Variants in TNRC6C observed in about 807,000 individuals in gnomAD.
TNRC6C encodes the protein trinucleotide repeat containing adaptor 6C, also known as trinucleotide repeat-containing gene 6C protein.
TNRC6C carries 20 observed loss-of-function variants against 153.7 expected under a neutral mutation model. That is an observed-to-expected ratio of 0.13 (90% CI 0.09 to 0.19). TNRC6C has a LOEUF of 0.19. Among genes scored for constraint, TNRC6C ranks in the 10% least tolerant of loss-of-function variants. The probability of loss-of-function intolerance (pLI) is 1.00; values close to 1 mark genes in which losing one functional copy is unlikely to be tolerated. For missense variants in TNRC6C, 1,987 were observed against 2,172.0 expected, an observed-to-expected ratio of 0.91 and a Z score of 1.69; for synonymous variants, 811 against 841.4, an observed-to-expected ratio of 0.96 and a Z score of 0.63.
chr17:78,066,666 G>A (rs1005045848), intron 4 of TNRC6C: 6 of 152,228 alleles, frequency 3.9e-5, no homozygotes, highest in African/African-American at 9.6e-5. Context: ...TTTTGATACC[G>A]AAAATCACTT....
chr17:78,060,387 A>G (rs1381796467), intron 3 of TNRC6C, among the ~76,000 whole-genome samples: 3 of 151,830 alleles, frequency 2.0e-5, no homozygotes, highest in African/African-American at 7.3e-5. Context: ...TCTCATTAAT[A>G]TTTAGGTCAG....
intron 13 of TNRC6C, 122 bp downstream of exon 15, chr17:78,087,215 G>T: frequency 1.4e-6 from 2 of 1,449,906 alleles, no homozygotes; most frequent in African/African-American, 1.4e-5. Context: ...ACCATAGCCT[G>T]TTGGAAATGC....
At position 78,022,138 on chromosome 17, in the gene TNRC6C, A is replaced by G. The variant is rs74757807; in HGVS notation, c.-545-9378A>G. Among the ~76,000 whole-genome samples the G allele has an allele frequency of 1.6e-4, 25 of 152,280 alleles. No individual in the cohort carries two copies. The East Asian group carries it at 2.1e-3, about 13-fold the overall frequency. On this transcript the variant is annotated intron_variant, in intron 1 of 19. Coordinates refer to ENST00000301624, the Ensembl canonical transcript of TNRC6C. ...GGTCTCTGTCATATATTTGTCTTTG[A>G]GTTTTTCCCCCATCCTTTAAAAATG... is the stretch of plus-strand genomic sequence containing the variant.
intron 1 of TNRC6C, among the ~76,000 whole-genome samples, chr17:78,017,139 G>C (rs963556644): frequency 2.0e-5 from 3 of 152,100 alleles, no homozygotes; most frequent in Admixed American, 6.5e-5. Context: ...TGGTGGAATG[G>C]GGACATTTTA....
chr17:78,056,115 G>A (rs2072648870), intron 3 of TNRC6C, among the ~76,000 whole-genome samples: 1 of 151,314 alleles, frequency 6.6e-6, no homozygotes, highest in Non-Finnish European at 1.5e-5. Context: ...CTCCCAAAGT[G>A]TTGGGATCAT....
At chr17:78,032,588 TAAC>T (rs1214162722) in intron 2 of TNRC6C, among the ~76,000 whole-genome samples, 1 of 152,238 alleles carries the variant, frequency 6.6e-6, no homozygotes, top group African/African-American at 2.4e-5. Flanking sequence ...CGGTTTCAAG[TAAC>T]AACTAATAAT....
chr17:78,004,026 T>C (rs1177787074), upstream of TNRC6C: 2 of 1,067,112 alleles, frequency 1.9e-6, no homozygotes, highest in African/African-American at 1.6e-5. Context: ...GTTAGGGAAG[T>C]GTCCCTTTCT....
At chr17:77,977,058 G>T (rs1419894848) in intron 1 of TNRC6C, among the ~76,000 whole-genome samples, 2 of 148,450 alleles carry the variant, frequency 1.3e-5, no homozygotes, top group Admixed American at 6.8e-5. Context: ...ATCATTATAT[G>T]ATAAATGTTT....
upstream of TNRC6C, chr17:78,005,040 CTCT>C: frequency 8.3e-7 from 1 of 1,207,940 alleles, no homozygotes; most frequent in Non-Finnish European, 1.0e-6. Context: ...TTCTTTCTCT[CTCT>C]TTTTTTTTTT....
intron 1 of TNRC6C, among the ~76,000 whole-genome samples, chr17:77,973,376 A>T (rs1250416158): frequency 6.6e-6 from 1 of 152,238 alleles, no homozygotes; most frequent in African/African-American, 2.4e-5. Flanking sequence ...AAACCATACA[A>T]AACACAGTAA....
At chr17:78,026,982 A>T (rs2071953844) in intron 1 of TNRC6C, among the ~76,000 whole-genome samples, 1 of 152,182 alleles carries the variant, frequency 6.6e-6, no homozygotes, top group South Asian at 2.1e-4. Context: ...GAGGCGAGAA[A>T]GCTGATGAGT....
Position 78,049,969 on chromosome 17 carries a change from C to T in TNRC6C, c.907C>T (p.Pro303Ser), listed in dbSNP as rs542777064. 5.9e-5 allele frequency: 95 copies of T among 1,613,936 alleles called. No individual in the cohort carries two copies. The highest frequency in any genetic ancestry group is 7.5e-5 in the Non-Finnish European group (89 of 1,179,896). ...AGGAAATGCTTGGGATTCAGGACCTCCTGCTGGTCCTGGAATACTCGCCTG... is the reference window on the plus strand; with the variant it reads ...AGGAAATGCTTGGGATTCAGGACCTTCTGCTGGTCCTGGAATACTCGCCTG... The change falls in exon 3 of 20, where the codon CCT (proline) becomes TCT (serine). Residue 303 changes from proline (P) to serine (S), a missense_variant. By Grantham distance (74) the Pro-to-Ser change is moderately conservative. This residue lies in a region of TNRC6C where 1,052 missense variants were observed against 1,017.0 expected (regional missense o/e 1.03). Transcript: ENST00000301624. The surrounding 1 kb of genome is among the most constrained non-coding windows in gnomAD (Gnocchi z 4.1).
chr17:77,965,795 C>G (rs958632755), intron 1 of TNRC6C, among the ~76,000 whole-genome samples: 1 of 152,232 alleles, frequency 6.6e-6, no homozygotes, highest in Non-Finnish European at 1.5e-5. Flanking sequence ...TGGATCTCCT[C>G]TCTTAAGGAC....
chr17:78,074,530 G>A (rs2073052153), intron 7 of TNRC6C, among the ~76,000 whole-genome samples: 1 of 152,346 alleles, frequency 6.6e-6, no homozygotes, highest in East Asian at 1.9e-4. Context: ...TAACTGTGGA[G>A]TAGGACAGAG....
chr17:78,043,940 C>G (rs576208024), intron 2 of TNRC6C, among the ~76,000 whole-genome samples: 1 of 152,190 alleles, frequency 6.6e-6, no homozygotes, highest in East Asian at 1.9e-4. Context: ...TGTATATCTG[C>G]CATATTTTCT....
intron 3 of TNRC6C, among the ~76,000 whole-genome samples, chr17:78,060,449 T>A (rs2072744042): frequency 6.6e-6 from 1 of 151,948 alleles, no homozygotes; most frequent in East Asian, 1.9e-4. Context: ...CCTGATCGAT[T>A]GCATTTTTAA....
chr17:78,045,619 T>C (rs147519048), intron 2 of TNRC6C, among the ~76,000 whole-genome samples: 211 of 152,300 alleles, frequency 1.4e-3, no homozygotes, highest in African/African-American at 4.8e-3. Context: ...TGTATGGTTT[T>C]GTTTGCCCAG....
chr17:78,093,267 A>G (rs2073425076), intron 15 of TNRC6C, 143 bp downstream of exon 17: 1 of 989,602 alleles, frequency 1.0e-6, no homozygotes, highest in African/African-American at 1.6e-5. Context: ...TTTTCCTTGG[A>G]AATCCATTTG....
upstream of TNRC6C, among the ~76,000 whole-genome samples, chr17:78,001,832 G>A (rs563691211): frequency 5.9e-5 from 9 of 152,100 alleles, no homozygotes; most frequent in South Asian, 1.5e-3. Flanking sequence ...AGTAGATAAG[G>A]GATGCCAAGC....
Sources: gnomAD v4.1 joint callset for allele counts (sites outside exome capture counted in the v4.1 genomes callset) on GRCh38, gnomAD v4.1.1 for gene constraint, gnomAD v4.1.1 regional missense constraint, Gnocchi (gnomAD v3.1) non-coding constraint, MANE v1.5 for transcripts, NCBI Gene and HGNC (gene_info 2026-07-23, HGNC 2026-07-21) for gene names.